CERS1: variants seen among roughly 807,000 people sequenced by gnomAD.
CERS1 encodes ceramide synthase 1, also known as Embryonic growth/differentiation factor 1.
Under a neutral mutation model 35.7 loss-of-function variants are expected in CERS1, and 16 were observed. The ratio of observed to expected loss-of-function variants is 0.45; its 90% confidence interval spans 0.30 to 0.68. The LOEUF (loss-of-function observed/expected upper bound fraction) is 0.68, where lower values mean the gene tolerates loss of function less well. Ranked by LOEUF, CERS1 falls within the 30% of genes least tolerant of loss-of-function variation. CERS1 has a pLI of 0.08. For synonymous variants in CERS1, 243 were observed against 201.6 expected, an observed-to-expected ratio of 1.21 and a Z score of -1.74; for missense variants, 454 against 453.9, an observed-to-expected ratio of 1.00 and a Z score of 0.00.
chr19:18,879,747 A>C (rs1280878040), intron 4 of CERS1, among the ~76,000 whole-genome samples: 79 of 10,040 alleles, frequency 7.9e-3, no homozygotes, highest in Admixed American at 0.016. Flanking sequence ...GGCCCCACCC[A>C]CCTCACCAAG....
At position 18,896,038 on chromosome 19, in the gene CERS1, C is replaced by G; in HGVS notation, c.35G>C (p.Gly12Ala). The change falls in exon 1 of 8, where the codon GGG becomes GCG. Residue 12 changes from glycine (G) to alanine (A), a missense_variant. By Grantham distance (60) the Gly-to-Ala change is moderately conservative. Transcript: ENST00000623882. The surrounding 1 kb of genome is among the most constrained non-coding windows in gnomAD (Gnocchi z 5.9). ...AAAGPAAGPT[G>A]PEPMPSYAQL... ...CGCGTAGCTCGGCATGGGCTCGGGC[C>G]CCGTCGGCCCCGCCGCGGGCCCCGC... The G allele has an allele frequency of 1.0e-6, 1 of 990,206 alleles. No individual in the cohort carries two copies. Among genetic ancestry groups the G allele is most frequent in the Non-Finnish European group, 1.2e-6 (1 of 834,678 alleles). 61.3% of individuals were successfully genotyped at this position (990,206 alleles called of 1,614,324 possible). A position where few individuals can be genotyped will look rare whatever the true frequency, so the allele number is the denominator to read the frequency against.
chr19:18,885,933 A>G (rs1568303008), intron 2 of CERS1, among the ~76,000 whole-genome samples: 1 of 152,050 alleles, frequency 6.6e-6, no homozygotes. Flanking sequence ...CGGGCACACC[A>G]TGCCACCAAG....
In CERS1 at chr19:18,878,233, G is replaced by A. The variant is rs1038534561; in HGVS notation, c.1010+697C>T. 5.1e-6 allele frequency: 5 copies of A among 985,466 alleles called. No homozygotes were observed. The highest frequency in any genetic ancestry group is 3.5e-5 in the African/African-American group (2 of 57,146). The allele number at this position is 985,466 out of a possible 1,614,324, so 61.0% of individuals were successfully genotyped here. On this transcript the variant is annotated intron_variant, in intron 6 of 7. Coordinates refer to ENST00000623882, the MANE Select transcript of CERS1 (RefSeq NM_021267.5). This position sits in a 1 kb window ranked among gnomAD's most constrained non-coding sequence, Gnocchi z 4.6. ...CAAACACTCCTCACGTTGCCTATGA[G>A]ACACTGCACACCCGACTCTGCTTGT...
chr19:18,876,134 G>A lies in CERS1; in HGVS notation c.1010+2796C>T, dbSNP rs575917762. On this transcript the variant is annotated intron_variant, in intron 6 of 7. Coordinates refer to ENST00000623882, the MANE Select transcript of CERS1 (RefSeq NM_021267.5). ...TGAGTAGCTGGGATTGCAGGCGTGC[G>A]CCATCATGCCTGGATAATTTTTCGT... 3.3e-5 allele frequency among the ~76,000 whole-genome samples: 5 copies of A among 152,200 alleles called. No individual in the cohort carries two copies. In the East Asian group the frequency reaches 5.8e-4, roughly 18 times the overall value.
Position 18,870,482 on chromosome 19 carries a change from G to A in CERS1, c.*95C>T. 1 of 578,844 alleles carries A rather than the reference G, an allele frequency of 1.7e-6. No homozygotes were observed. The highest frequency in any genetic ancestry group is 2.0e-5 in the South Asian group (1 of 49,882). The allele number at this position is 578,844 out of a possible 1,614,324, so 35.9% of individuals were successfully genotyped here. A position where few individuals can be genotyped will look rare whatever the true frequency, so the allele number is the denominator to read the frequency against. On this transcript the variant is annotated 3_prime_UTR_variant, in exon 7 of 8. Transcript: ENST00000623882. This position sits in a 1 kb window ranked among gnomAD's most constrained non-coding sequence, Gnocchi z 5.1. ...GGGAGGTGGCGGCGGCCCTAGAGGA[G>A]CAGAGTTGGAGGGGGTGGAGGGGCG...
chr19:18,893,062 G>A (rs1357175407), intron 2 of CERS1, among the ~76,000 whole-genome samples: 3 of 150,902 alleles, frequency 2.0e-5, no homozygotes, highest in South Asian at 2.1e-4. Context: ...GATTACAGGC[G>A]CCCACCACAC....
At chr19:18,885,370 TA>T (rs1479672816) in intron 2 of CERS1, among the ~76,000 whole-genome samples, 2 of 150,822 alleles carry the variant, frequency 1.3e-5, no homozygotes, top group Non-Finnish European at 3.0e-5. Flanking sequence ...CTAGATAATT[TA>T]TTTCTTTTTT....
chr19:18,892,789 C>T (rs923088500), intron 2 of CERS1, among the ~76,000 whole-genome samples: 2 of 152,134 alleles, frequency 1.3e-5, no homozygotes, highest in Admixed American at 6.5e-5. Flanking sequence ...GGATGTCTTC[C>T]CTGAGCTCCA....
chr19:18,885,459 AGTGCTGGG>A (rs2056324824), intron 2 of CERS1, among the ~76,000 whole-genome samples: 4 of 150,764 alleles, frequency 2.7e-5, no homozygotes, highest in African/African-American at 9.8e-5. Flanking sequence ...GGCCTCCCAA[AGTGCTGGG>A]GTTACAGGGA....
chr19:18,895,445 C>G lies in CERS1; in HGVS notation c.249+379G>C, dbSNP rs951421152. Among the ~76,000 whole-genome samples the G allele has an allele frequency of 1.3e-5, 2 of 152,086 alleles. No homozygotes were observed. The highest frequency in any genetic ancestry group is 4.8e-5 in the African/African-American group (2 of 41,426). On this transcript the variant is annotated intron_variant, in intron 1 of 7. Coordinates refer to ENST00000623882, the MANE Select transcript of CERS1 (RefSeq NM_021267.5). The surrounding 1 kb of genome is among the most constrained non-coding windows in gnomAD (Gnocchi z 6.4). ...CCTGCCGGAAAGAGCGCGCGGTGGC[C>G]GGAGCCATCCACCGCGCGGGGCCCC... is the stretch of plus-strand genomic sequence containing the variant.
chr19:18,893,232 C>T (rs1288054540), intron 2 of CERS1, among the ~76,000 whole-genome samples, 184 bp downstream of exon 2: 2 of 146,908 alleles, frequency 1.4e-5, no homozygotes, highest in Non-Finnish European at 3.0e-5. Flanking sequence ...TTTTTTGATA[C>T]AAGACAGGGT....
At chr19:18,893,986 C>A (rs941292771) in intron 1 of CERS1, among the ~76,000 whole-genome samples, 1 of 151,598 alleles carries the variant, frequency 6.6e-6, no homozygotes, top group East Asian at 1.9e-4. Flanking sequence ...CCCATGGGAC[C>A]GACACAGAGG....
At chr19:18,873,206 G>A (rs1468748793) in intron 6 of CERS1, among the ~76,000 whole-genome samples, 1 of 152,126 alleles carries the variant, frequency 6.6e-6, no homozygotes, top group African/African-American at 2.4e-5. Flanking sequence ...GGTGAAATTG[G>A]GGGCTGATTT....
At chr19:18,892,725 G>A (rs150662527) in intron 2 of CERS1, among the ~76,000 whole-genome samples, 2 of 152,056 alleles carry the variant, frequency 1.3e-5, no homozygotes, top group East Asian at 3.9e-4. Context: ...GCCTTTGCAC[G>A]TGCTGTTACC....
Position 18,884,205 on chromosome 19 carries a change from A to G in CERS1, c.472T>C (p.Phe158Leu). ...IAAAYLLQGS[F>L]YGHSIYATLY... ...GTAGCGTAGATGGAGTGGCCATAGA[A>G]GCTTCCCTGGAGCAGGTAGGCGGCT... The change falls in exon 3 of 8, where the codon TTC becomes CTC. Residue 158 changes from phenylalanine (F) to leucine (L), a missense_variant. Phe to Leu is a conservative substitution (Grantham distance 22, BLOSUM62 0). Transcript: ENST00000623882. The G allele has an allele frequency of 3.1e-6, 5 of 1,613,474 alleles. No homozygotes were observed. The highest frequency in any genetic ancestry group is 4.2e-6 in the Non-Finnish European group (5 of 1,179,822).
At chr19:18,872,702 G>GT (rs1373137907) in intron 6 of CERS1, among the ~76,000 whole-genome samples, 97 of 151,918 alleles carry the variant, frequency 6.4e-4, no homozygotes, top group Middle Eastern at 3.4e-3. Flanking sequence ...TTTTAGTAGA[G>GT]ATGCGGTTTT....
intron 2 of CERS1, among the ~76,000 whole-genome samples, chr19:18,885,632 G>A (rs1346765059): frequency 6.7e-6 from 1 of 149,152 alleles, no homozygotes; most frequent in East Asian, 2.0e-4. Flanking sequence ...TGATTCTCCT[G>A]CCTCAGCATG....
At position 18,895,044 on chromosome 19, in the gene CERS1, C is replaced by T. The variant is rs1470076427; in HGVS notation, c.249+780G>A. Among the ~76,000 whole-genome samples the T allele has an allele frequency of 6.6e-6, 1 of 152,216 alleles. No homozygotes were observed. The highest frequency in any genetic ancestry group is 1.5e-5 in the Non-Finnish European group (1 of 68,044). ...CATCATGGTCACTCTCTCGCAGGGG[C>T]GATGGTCTCCGCAGAAACTGGGGAA... On this transcript the variant is annotated intron_variant, in intron 1 of 7. Transcript: ENST00000623882. The surrounding 1 kb of genome is among the most constrained non-coding windows in gnomAD (Gnocchi z 6.4).
intron 3 of CERS1, chr19:18,882,989 C>A (rs1193828458): frequency 6.6e-6 from 1 of 152,210 alleles, no homozygotes; most frequent in Non-Finnish European, 1.5e-5. Flanking sequence ...CCGCACTCAG[C>A]CTAAAAATTT....
Sources: allele counts gnomAD v4.1 joint callset (sites outside exome capture counted in the v4.1 genomes callset), GRCh38; gene constraint gnomAD v4.1.1; non-coding constraint Gnocchi (gnomAD v3.1); transcripts MANE v1.5; gene names NCBI Gene and HGNC (gene_info 2026-07-23, HGNC 2026-07-21).